MYO16: variants seen among roughly 807,000 people sequenced by gnomAD.
MYO16 encodes the protein unconventional myosin-XVI.
In MYO16, 94 loss-of-function variants were observed where a neutral mutation model predicts 205.3. That is an observed-to-expected ratio of 0.46 (90% CI 0.39 to 0.54). MYO16 has a LOEUF of 0.54. Among genes scored for constraint, MYO16 ranks in the 20% least tolerant of loss-of-function variants. The pLI, the probability that MYO16 is intolerant of heterozygous loss-of-function variation, is 0.00. For synonymous variants in MYO16, 988 were observed against 954.0 expected (o/e 1.04, Z -0.66); for missense variants, 2,315 against 2,387.5 (o/e 0.97, Z 0.63).
chr13:108,541,289 ATG>A, the MYO16 span, among the ~76,000 whole-genome samples: 1 of 151,696 alleles, frequency 6.6e-6, no homozygotes, highest in Admixed American at 6.6e-5. Flanking sequence ...TTATGTATAA[ATG>A]TGTCTATATA....
chr13:108,595,846 G>A (rs77325888), upstream of MYO16, among the ~76,000 whole-genome samples: 4,820 of 148,404 alleles, frequency 0.032, 179 homozygotes, highest in African/African-American at 0.094. Flanking sequence ...AGGAGTGCAC[G>A]TGTCAGAGTT....
intron 10 of MYO16, among the ~76,000 whole-genome samples, chr13:108,854,418 A>G (rs1878062523): frequency 6.6e-6 from 1 of 152,152 alleles, no homozygotes; most frequent in South Asian, 2.1e-4. Flanking sequence ...ATAGTCCTAA[A>G]TTTAGTTTTA....
chr13:108,908,933 A>G (rs1881123982), intron 15 of MYO16, among the ~76,000 whole-genome samples: 1 of 151,634 alleles, frequency 6.6e-6, no homozygotes, highest in Non-Finnish European at 1.5e-5. Context: ...AGATCGTGCC[A>G]CTGCACTCCA....
At chr13:108,652,161 G>A (rs995458583) in intron 1 of MYO16, among the ~76,000 whole-genome samples, 8 of 151,176 alleles carry the variant, frequency 5.3e-5, no homozygotes, top group Admixed American at 3.3e-4. Context: ...GTGTGCGCGC[G>A]CGCGCATGTG....
intron 2 of MYO16, among the ~76,000 whole-genome samples, chr13:108,667,747 A>T (rs1009877040): frequency 6.6e-6 from 1 of 152,332 alleles, no homozygotes; most frequent in African/African-American, 2.4e-5. Flanking sequence ...AAGTAACAAA[A>T]CACAAAAAAT....
rs1040902144 is a variant in MYO16 at position 109,165,183 on chromosome 13, C to T, written c.5323+124C>T. The T allele has an allele frequency of 1.7e-5, 11 of 653,756 alleles. No homozygotes were observed. In the Admixed American group the frequency reaches 2.5e-4, roughly 15 times the overall value. 40.5% of individuals were successfully genotyped at this position (653,756 alleles called of 1,614,324 possible). ...TAAGAACTGGAAAATAGAATATAAA[C>T]CATGAAACTCCCCTGCAAGTATTAT... is the stretch of plus-strand genomic sequence containing the variant. On this transcript the variant is annotated intron_variant, in intron 33 of 34. Coordinates refer to ENST00000457511, the MANE Select transcript of MYO16 (RefSeq NM_001198950.3).
At chr13:108,708,724 A>T (rs74381193) in intron 2 of MYO16, among the ~76,000 whole-genome samples, 3,825 of 152,272 alleles carry the variant, frequency 0.025, 91 homozygotes, top group Middle Eastern at 0.088. Context: ...GGAGGTATAG[A>T]TTGCTATGCA....
At chr13:108,530,320 G>A in the MYO16 span, among the ~76,000 whole-genome samples, 3 of 152,216 alleles carry the variant, frequency 2.0e-5, no homozygotes, top group Non-Finnish European at 2.9e-5. Flanking sequence ...CTGAAAAAAT[G>A]AGAGACTAAA....
upstream of MYO16, among the ~76,000 whole-genome samples, chr13:108,592,397 G>C (rs1878425337): frequency 7.9e-6 from 1 of 126,236 alleles, no homozygotes; most frequent in Non-Finnish European, 1.7e-5. Context: ...GGTGTGTGGG[G>C]TTATGAGGAT....
chr13:108,847,864 T>G (rs745922911), intron 10 of MYO16, among the ~76,000 whole-genome samples: 4 of 152,166 alleles, frequency 2.6e-5, no homozygotes, highest in Non-Finnish European at 4.4e-5. Flanking sequence ...TTTTTCTTGG[T>G]TCCCTAACTT....
chr13:108,692,758 G>T (rs1054357954), intron 2 of MYO16, among the ~76,000 whole-genome samples: 4 of 152,112 alleles, frequency 2.6e-5, no homozygotes, highest in African/African-American at 4.8e-5. Context: ...ACAAAAAGAA[G>T]GGTAGTGATT....
chr13:109,199,190 AG>A (rs1880287363), intron 34 of MYO16, among the ~76,000 whole-genome samples: 1 of 92,450 alleles, frequency 1.1e-5, no homozygotes, highest in Non-Finnish European at 2.0e-5. Context: ...TTAATAAAAA[AG>A]GTATATATAT....
chr13:108,500,875 C>A, the MYO16 span, among the ~76,000 whole-genome samples: 3 of 152,204 alleles, frequency 2.0e-5, no homozygotes, highest in African/African-American at 7.2e-5. Flanking sequence ...ATGACAGACA[C>A]CTTCTTGACC....
intron 28 of MYO16, chr13:109,101,552 GAGA>G (rs1888969490): frequency 6.6e-6 from 1 of 152,194 alleles, no homozygotes; most frequent in Non-Finnish European, 1.5e-5. Flanking sequence ...CCAGAAACAG[GAGA>G]AGATGGTTCC....
chr13:108,633,707 A>G (rs1320326245), intron 1 of MYO16, among the ~76,000 whole-genome samples: 1 of 152,240 alleles, frequency 6.6e-6, no homozygotes, highest in African/African-American at 2.4e-5. Flanking sequence ...CATATTAAAC[A>G]TGTTTTATGA....
Position 109,125,389 on chromosome 13 carries a change from C to A in MYO16, c.3782+31C>A, listed in dbSNP as rs770017853. ...GGCAGAGAGCATGCAATTTTAATTA[C>A]CTTTGTGATTGGTTCAGTGGAGTCA... On this transcript the variant is annotated intron_variant, in intron 30 of 34. Transcript: ENST00000457511. This position sits in a 1 kb window ranked among gnomAD's most constrained non-coding sequence, Gnocchi z 4.0. The A allele has an allele frequency of 1.2e-6, 2 of 1,611,470 alleles. No homozygotes were observed. Among genetic ancestry groups the A allele is most frequent in the Non-Finnish European group, 1.7e-6 (2 of 1,178,528 alleles).
chr13:109,023,795 A>T (rs899448176), intron 23 of MYO16, among the ~76,000 whole-genome samples: 1 of 134,520 alleles, frequency 7.4e-6, no homozygotes, highest in Non-Finnish European at 1.5e-5. Context: ...TGCATATTCT[A>T]CATTTATATA....
At chr13:109,000,646 A>G (rs924139442) in intron 21 of MYO16, among the ~76,000 whole-genome samples, 2 of 152,196 alleles carry the variant, frequency 1.3e-5, no homozygotes, top group African/African-American at 4.8e-5. Context: ...ATATTGAACA[A>G]TTTGATAGAG....
intron 12 of MYO16, among the ~76,000 whole-genome samples, chr13:108,882,683 G>A (rs1879675515): frequency 6.6e-6 from 1 of 152,168 alleles, no homozygotes; most frequent in South Asian, 2.1e-4. Context: ...TAAAACCTTG[G>A]CTATCTTATG....
Sources: gnomAD v4.1 joint callset for allele counts (sites outside exome capture counted in the v4.1 genomes callset) on GRCh38, gnomAD v4.1.1 for gene constraint, Gnocchi (gnomAD v3.1) non-coding constraint, MANE v1.5 for transcripts, NCBI Gene and HGNC (gene_info 2026-07-23, HGNC 2026-07-21) for gene names.